MBNL1: variants seen among roughly 807,000 people sequenced by gnomAD.
The protein encoded by MBNL1 is muscleblind like splicing regulator 1.
In MBNL1, 8 loss-of-function variants were observed where a neutral mutation model predicts 42.2. The observed-to-expected ratio is 0.19, with a 90% confidence interval of 0.11 to 0.34. MBNL1 has a LOEUF of 0.34. MBNL1 is among the 10% of genes least tolerant of loss of function. MBNL1 has a pLI of 1.00. For missense variants in MBNL1, 309 were observed against 495.3 expected (o/e 0.62, Z 3.57); for synonymous variants, 169 against 173.9 (o/e 0.97, Z 0.22).
At chr3:152,401,373 G>C (rs866564026) in intron 2 of MBNL1, among the ~76,000 whole-genome samples, 1 of 152,148 alleles carries the variant, frequency 6.6e-6, no homozygotes, top group African/African-American at 2.4e-5. Flanking sequence ...TTTGAAAAGG[G>C]TCACTTCTCA....
chr3:152,414,893 T>C, intron 2 of MBNL1, 48 bp from the exon 3 acceptor site: 1 of 1,589,094 alleles, frequency 6.3e-7, no homozygotes, highest in Non-Finnish European at 8.6e-7. Context: ...CATAATTTGC[T>C]GATTTTATTC....
At chr3:152,292,275 C>T (rs2056407052) in intron 1 of MBNL1, among the ~76,000 whole-genome samples, 1 of 152,158 alleles carries the variant, frequency 6.6e-6, no homozygotes, top group Non-Finnish European at 1.5e-5. Context: ...AAATCATTGT[C>T]TGTATAGAAG....
chr3:152,287,100 C>T (rs1427498697), intron 1 of MBNL1, among the ~76,000 whole-genome samples: 1 of 151,834 alleles, frequency 6.6e-6, no homozygotes, highest in East Asian at 1.9e-4. Flanking sequence ...TGCCTGTAGT[C>T]CCAGCTACTC....
chr3:152,385,443 T>G (rs562836335), intron 2 of MBNL1, among the ~76,000 whole-genome samples: 89 of 152,148 alleles, frequency 5.8e-4, no homozygotes, highest in African/African-American at 2.1e-3. Flanking sequence ...AATTAGACAT[T>G]AGATGTTAAA....
intron 1 of MBNL1, among the ~76,000 whole-genome samples, chr3:152,279,470 A>G (rs1298647987): frequency 6.6e-6 from 1 of 151,952 alleles, no homozygotes; most frequent in Non-Finnish European, 1.5e-5. Context: ...CAACTGACAT[A>G]AGTCAAGAAG....
chr3:152,450,826 T>G (rs1191576921), intron 6 of MBNL1, among the ~76,000 whole-genome samples: 4 of 152,224 alleles, frequency 2.6e-5, no homozygotes, highest in African/African-American at 4.8e-5. Context: ...ATTTGTATGT[T>G]TATATGTGAA....
intron 2 of MBNL1, among the ~76,000 whole-genome samples, chr3:152,248,693 T>A (rs1191603381): frequency 6.6e-6 from 1 of 152,094 alleles, no homozygotes; most frequent in Non-Finnish European, 1.5e-5. Context: ...TGTATACATG[T>A]GCCATGCTGG....
At chr3:152,412,412 T>C (rs1324486515) in intron 2 of MBNL1, among the ~76,000 whole-genome samples, 7 of 152,154 alleles carry the variant, frequency 4.6e-5, no homozygotes. Flanking sequence ...TGGTCACAGC[T>C]CTCTGTGGGA....
At position 152,319,832 on chromosome 3, in the gene MBNL1, C is replaced by T. The variant is rs545746521; in HGVS notation, c.174+19465C>T. Among the ~76,000 whole-genome samples the T allele has an allele frequency of 7.9e-5, 12 of 152,106 alleles. No individual in the cohort carries two copies. In the South Asian group the frequency reaches 2.3e-3, roughly 29 times the overall value. ...TTTGTCCAACTCTTGCATCTGTAGTCAACCTGTGGTCGCAATTGACAGAAG... is the reference window on the plus strand; with the variant it reads ...TTTGTCCAACTCTTGCATCTGTAGTTAACCTGTGGTCGCAATTGACAGAAG... On this transcript the variant is annotated intron_variant, in intron 2 of 9. Coordinates refer to ENST00000324210, the MANE Select transcript of MBNL1 (RefSeq NM_021038.5).
chr3:152,263,178 T>C (rs2036589206), upstream of MBNL1: 1 of 152,218 alleles, frequency 6.6e-6, no homozygotes, highest in South Asian at 2.1e-4. Flanking sequence ...GCCTTTGTTT[T>C]ATAAGATTGT....
At chr3:152,328,609 T>C (rs546091793) in intron 2 of MBNL1, among the ~76,000 whole-genome samples, 2 of 152,288 alleles carry the variant, frequency 1.3e-5, no homozygotes, top group East Asian at 3.9e-4. Context: ...ATTGTATTTA[T>C]AAGACTTTGC....
intron 8 of MBNL1, 91 bp downstream of exon 8, chr3:152,456,452 C>A: frequency 1.9e-6 from 2 of 1,039,904 alleles, no homozygotes; most frequent in South Asian, 2.5e-5. Context: ...CCATTGAGGT[C>A]AGTGGGAATC....
At chr3:152,315,847 C>A (rs1336119038) in intron 2 of MBNL1, among the ~76,000 whole-genome samples, 2 of 115,458 alleles carry the variant, frequency 1.7e-5, no homozygotes, top group African/African-American at 7.6e-5. Flanking sequence ...AGCGTGTGAA[C>A]ACACACACAC....
intron 6 of MBNL1, among the ~76,000 whole-genome samples, chr3:152,453,358 TATCA>T (rs1727413923): frequency 1.3e-5 from 2 of 152,222 alleles, no homozygotes; most frequent in South Asian, 4.1e-4. Flanking sequence ...TTTTCATACA[TATCA>T]ATTAAAATTT....
chr3:152,280,283 G>A (rs1288409625), intron 1 of MBNL1, among the ~76,000 whole-genome samples: 1 of 152,130 alleles, frequency 6.6e-6, no homozygotes, highest in Non-Finnish European at 1.5e-5. Context: ...TGGGCAGAGT[G>A]TGGAATTTGC....
At chr3:152,301,310 C>G (rs1440827438) in intron 2 of MBNL1, among the ~76,000 whole-genome samples, 1 of 152,160 alleles carries the variant, frequency 6.6e-6, no homozygotes, top group East Asian at 1.9e-4. Context: ...TTTCAGCCTA[C>G]TTGGTTTAAT....
chr3:152,251,771 A>G (rs1341093419), intron 2 of MBNL1, among the ~76,000 whole-genome samples: 1 of 151,900 alleles, frequency 6.6e-6, no homozygotes, highest in Non-Finnish European at 1.5e-5. Flanking sequence ...GTTAATGTTC[A>G]TTTTTGTTGC....
chr3:152,424,842 A>G (rs1188547017), intron 3 of MBNL1, among the ~76,000 whole-genome samples: 3 of 152,244 alleles, frequency 2.0e-5, no homozygotes, highest in Admixed American at 2.0e-4. Context: ...TATATAATAC[A>G]TGGTGTTGGG....
intron 2 of MBNL1, among the ~76,000 whole-genome samples, chr3:152,387,729 A>G (rs1374765428): frequency 1.3e-5 from 2 of 152,098 alleles, no homozygotes; most frequent in African/African-American, 4.8e-5. Flanking sequence ...TCTAATCCAT[A>G]TGTTTCCTGA....
Sources: gnomAD v4.1 joint callset for allele counts (sites outside exome capture counted in the v4.1 genomes callset) on GRCh38, gnomAD v4.1.1 for gene constraint, MANE v1.5 for transcripts, NCBI Gene and HGNC (gene_info 2026-07-23, HGNC 2026-07-21) for gene names.